Variants in STXBP4 observed in about 807,000 individuals in gnomAD.
The protein encoded by STXBP4 is syntaxin-binding protein 4.
STXBP4 carries 55 observed loss-of-function variants against 76.1 expected under a neutral mutation model. That is an observed-to-expected ratio of 0.72 (90% CI 0.58 to 0.91). STXBP4 has a LOEUF of 0.91. Among genes scored for constraint, STXBP4 ranks in the 40% least tolerant of loss-of-function variants. The probability of loss-of-function intolerance (pLI) is 0.00; values close to 1 mark genes in which losing one functional copy is unlikely to be tolerated. For missense variants in STXBP4, 618 were observed against 636.9 expected (o/e 0.97, Z 0.32); for synonymous variants, 201 against 220.2 (o/e 0.91, Z 0.77).
rs1396202077 is a variant in STXBP4, at chr17:55,080,925, GAAAT to G, written c.1356-122_1356-119del. ...TGAATTACTTCAATTTTGGTTATAT[GAAAT>G]AATTTCCTCAGAAATATAAATATTT... On this transcript the variant is annotated intron_variant, in intron 15 of 17. Coordinates refer to ENST00000376352, the MANE Select transcript of STXBP4 (RefSeq NM_178509.6). 4.2e-6 allele frequency: 4 copies of G among 962,334 alleles called. No individual in the cohort carries two copies. The African/African-American group carries it at 5.1e-5, about 12-fold the overall frequency. The allele number at this position is 962,334 out of a possible 1,614,324, so 59.6% of individuals were successfully genotyped here.
At chr17:55,190,511 A>G in the STXBP4 span, among the ~76,000 whole-genome samples, 488 of 152,354 alleles carry the variant, frequency 3.2e-3, 3 homozygotes, top group African/African-American at 0.011. Context: ...CAAGCCCTGA[A>G]GAGACAGAGA....
intron 10 of STXBP4, among the ~76,000 whole-genome samples, chr17:55,041,236 T>TC (rs1313134276): frequency 6.7e-6 from 1 of 149,400 alleles, no homozygotes; most frequent in East Asian, 1.9e-4. Context: ...AACTTTTTTT[T>TC]TTTTTTTTTT....
chr17:54,970,212 G>A (rs2077372747), intron 1 of STXBP4, among the ~76,000 whole-genome samples: 1 of 152,214 alleles, frequency 6.6e-6, no homozygotes, highest in Non-Finnish European at 1.5e-5. Flanking sequence ...TTTAAGCCAT[G>A]TCCAAGGGTT....
intron 13 of STXBP4, among the ~76,000 whole-genome samples, chr17:55,077,402 G>C (rs551238042): frequency 6.6e-6 from 1 of 152,192 alleles, no homozygotes; most frequent in South Asian, 2.1e-4. Flanking sequence ...GGGGACTTTT[G>C]GTTAGGAATT....
intron 13 of STXBP4, among the ~76,000 whole-genome samples, chr17:55,077,802 A>C (rs1162826001): frequency 6.6e-6 from 1 of 151,858 alleles, no homozygotes; most frequent in Non-Finnish European, 1.5e-5. Context: ...TTGCAAAAAC[A>C]AAACAAAACA....
intron 12 of STXBP4, among the ~76,000 whole-genome samples, chr17:55,063,182 T>A (rs577710143): frequency 6.6e-6 from 1 of 152,332 alleles, no homozygotes; most frequent in East Asian, 1.9e-4. Flanking sequence ...TCATTAGAGG[T>A]GAATGTAGCC....
At chr17:55,193,458 T>C in the STXBP4 span, among the ~76,000 whole-genome samples, 1 of 152,122 alleles carries the variant, frequency 6.6e-6, no homozygotes, top group East Asian at 1.9e-4. Flanking sequence ...TCATCATGGT[T>C]TGGAGAAGAT....
rs1230968956 is a variant in STXBP4 at position 55,166,360 on chromosome 17, C to T, written c.*6449C>T. The T allele has an allele frequency of 6.6e-6, 1 of 152,122 alleles. No homozygotes were observed. The highest frequency in any genetic ancestry group is 2.4e-5 in the African/African-American group (1 of 41,412). The allele number at this position is 152,122 out of a possible 1,614,324, so 9.4% of individuals were successfully genotyped here. On this transcript the variant is annotated 3_prime_UTR_variant, in exon 18 of 18. Coordinates refer to ENST00000376352, the MANE Select transcript of STXBP4 (RefSeq NM_178509.6). ...TCTTCCTTCTCCACCACACCTGTCC[C>T]CATCAATCTACCCATCACATTTCTG...
intron 16 of STXBP4, among the ~76,000 whole-genome samples, chr17:55,095,024 A>G (rs2079466422): frequency 6.6e-6 from 1 of 152,214 alleles, no homozygotes; most frequent in African/African-American, 2.4e-5. Context: ...AGGCACAGCT[A>G]GACAAGCAAG....
intron 16 of STXBP4, among the ~76,000 whole-genome samples, chr17:55,113,577 A>G (rs967889979): frequency 6.6e-6 from 1 of 152,114 alleles, no homozygotes; most frequent in African/African-American, 2.4e-5. Context: ...AAGTGCTATC[A>G]TAAGAGGGAA....
At chr17:55,202,994 T>C in the STXBP4 span, among the ~76,000 whole-genome samples, 1 of 152,182 alleles carries the variant, frequency 6.6e-6, no homozygotes, top group African/African-American at 2.4e-5. Context: ...TTTGCTAAAC[T>C]GGAGCAATAT....
chr17:55,015,022 G>T (rs1389352157), intron 8 of STXBP4, among the ~76,000 whole-genome samples: 1 of 152,186 alleles, frequency 6.6e-6, no homozygotes, highest in South Asian at 2.1e-4. Flanking sequence ...TGCTCTGGGC[G>T]TAAGGCAGAC....
chr17:55,005,495 G>A (rs2077990126), intron 7 of STXBP4, among the ~76,000 whole-genome samples: 1 of 152,188 alleles, frequency 6.6e-6, no homozygotes. Flanking sequence ...ATAAATAGGA[G>A]CTTCTGTTCT....
chr17:55,201,667 GGTC>G, the STXBP4 span, among the ~76,000 whole-genome samples: 1 of 152,202 alleles, frequency 6.6e-6, no homozygotes, highest in Non-Finnish European at 1.5e-5. Context: ...TTACTGCTAA[GGTC>G]GTAGCAAAGG....
the STXBP4 span, among the ~76,000 whole-genome samples, chr17:55,180,262 A>G: frequency 6.6e-6 from 1 of 152,200 alleles, no homozygotes; most frequent in Non-Finnish European, 1.5e-5. Flanking sequence ...TCTCACCTCC[A>G]TAAGGAAAAA....
At chr17:55,212,722 G>A in the STXBP4 span, among the ~76,000 whole-genome samples, 3 of 152,160 alleles carry the variant, frequency 2.0e-5, no homozygotes, top group Non-Finnish European at 2.9e-5. Context: ...ATTCCAAAGT[G>A]AGAGATACTT....
At chr17:55,116,039 T>G (rs2079776527) in intron 16 of STXBP4, among the ~76,000 whole-genome samples, 1 of 151,854 alleles carries the variant, frequency 6.6e-6, no homozygotes, top group Non-Finnish European at 1.5e-5. Context: ...AGACAAACTC[T>G]AGGGAGCGGT....
chr17:55,091,596 T>TAACAA (rs958236426), intron 16 of STXBP4, among the ~76,000 whole-genome samples: 3 of 151,954 alleles, frequency 2.0e-5, no homozygotes, highest in Admixed American at 6.6e-5. Context: ...GAAAAAAAAC[T>TAACAA]AACAAAACAA....
intron 7 of STXBP4, among the ~76,000 whole-genome samples, chr17:55,002,115 C>A (rs1003220604): frequency 1.3e-5 from 2 of 152,108 alleles, no homozygotes; most frequent in African/African-American, 4.8e-5. Context: ...TTTCCAGTCT[C>A]TGCATGTACT....
Sources: gnomAD v4.1 joint callset for allele counts (sites outside exome capture counted in the v4.1 genomes callset) on GRCh38, gnomAD v4.1.1 for gene constraint, MANE v1.5 for transcripts, NCBI Gene and HGNC (gene_info 2026-07-23, HGNC 2026-07-21) for gene names.